The following CDIN1 variants were observed in gnomAD, a reference collection of about 807,000 sequenced individuals.
The protein encoded by CDIN1 is CDAN1-interacting nuclease 1.
CDIN1 carries 33 observed loss-of-function variants against 45.3 expected under a neutral mutation model. The ratio of observed to expected loss-of-function variants is 0.73; its 90% CI spans 0.55 to 0.97. CDIN1 has a LOEUF of 0.97. Ranked by LOEUF, CDIN1 falls within the 50% of genes least tolerant of loss-of-function variation. The probability of loss-of-function intolerance (pLI) is 0.00; values close to 1 mark genes in which losing one functional copy is unlikely to be tolerated. For missense variants in CDIN1, 303 were observed against 339.4 expected (o/e 0.89, Z 0.84); for synonymous variants, 118 against 124.4 (o/e 0.95, Z 0.34).
chr15:36,589,374 A>G lies in CDIN1; in HGVS notation c.101+9413A>G, dbSNP rs62002263. 6.8e-3 allele frequency among the ~76,000 whole-genome samples: 1,036 copies of G among 152,318 alleles called. 4 individuals are homozygous for G. Among genetic ancestry groups the G allele is most frequent in the Middle Eastern group, 0.02 (6 of 294 alleles). The stretch of plus-strand genomic sequence containing the variant: ...TTTTTATTGAAGGGAGATGTTTTCA[A>G]ATGTATACTTGAAGATGTTTCTCCT... On this transcript the variant is annotated intron_variant, in intron 1 of 10. Coordinates refer to ENST00000566621, the MANE Select transcript of CDIN1 (RefSeq NM_001321759.2).
intron 1 of CDIN1, chr15:36,613,601 C>T: frequency 6.8e-7 from 1 of 1,461,556 alleles, no homozygotes; most frequent in Non-Finnish European, 9.5e-7. Context: ...GGCCCGGGAA[C>T]AGGCTGAGGC....
chr15:36,788,118 T>A (rs1345319537), intron 10 of CDIN1, among the ~76,000 whole-genome samples: 51 of 131,138 alleles, frequency 3.9e-4, no homozygotes, highest in African/African-American at 1.4e-3. Context: ...TTTTTTTTTT[T>A]TTTTTTTTTT....
At chr15:36,739,930 A>G (rs1289066818) in intron 10 of CDIN1, among the ~76,000 whole-genome samples, 1 of 152,214 alleles carries the variant, frequency 6.6e-6, no homozygotes, top group East Asian at 1.9e-4. Context: ...CTCTGATTGA[A>G]TATGTATCTA....
intron 10 of CDIN1, among the ~76,000 whole-genome samples, chr15:36,762,735 A>T (rs1218158439): frequency 2.6e-5 from 4 of 152,008 alleles, no homozygotes; most frequent in African/African-American, 9.7e-5. Flanking sequence ...GAGTGAGAAC[A>T]TGCGGTGTTT....
chr15:36,790,544 C>T (rs571908153), intron 10 of CDIN1, among the ~76,000 whole-genome samples: 2 of 152,248 alleles, frequency 1.3e-5, no homozygotes, highest in East Asian at 1.9e-4. Context: ...GTTCCCAACA[C>T]ATAGAAAGAA....
At chr15:36,604,418 T>TACACAC (rs144533313) in intron 1 of CDIN1, among the ~76,000 whole-genome samples, 29,077 of 128,572 alleles carry the variant, frequency 0.23, 3,521 homozygotes, top group Admixed American at 0.31. Context: ...TTTTAAAAGG[T>TACACAC]ACACACACAC....
intron 8 of CDIN1, chr15:36,704,480 T>C (rs1467435974): frequency 6.6e-6 from 1 of 151,556 alleles, no homozygotes; most frequent in African/African-American, 2.4e-5. Context: ...TCTTAAATTG[T>C]ATAGAAAAGG....
intron 3 of CDIN1, among the ~76,000 whole-genome samples, chr15:36,647,406 A>G (rs1399957355): frequency 6.6e-6 from 1 of 152,190 alleles, no homozygotes; most frequent in East Asian, 1.9e-4. Context: ...ATTTCTTTCA[A>G]TTTATTTAAA....
rs140540360 is a variant in CDIN1 at position 36,731,987 on chromosome 15, G to A, written c.716+22026G>A. Among the ~76,000 whole-genome samples, 586 of 152,090 alleles carry A rather than the reference G, an allele frequency of 3.9e-3. 1 individual carries two copies. Among genetic ancestry groups the A allele is most frequent in the African/African-American group, 0.012 (499 of 41,488 alleles). ...AAATAAAAACTATTTTACAAACTTC[G>A]TTACGTCACAGTAGTATTGTAAAAC... is the stretch of plus-strand genomic sequence containing the variant. On this transcript the variant is annotated intron_variant, in intron 10 of 10. Transcript: ENST00000566621.
At chr15:36,732,888 A>G (rs1056534968) in intron 10 of CDIN1, among the ~76,000 whole-genome samples, 7 of 152,076 alleles carry the variant, frequency 4.6e-5, no homozygotes, top group Admixed American at 4.6e-4. Context: ...TCAAAAAATC[A>G]TCTAATTGGC....
At chr15:36,770,850 G>C (rs902996312) in intron 10 of CDIN1, among the ~76,000 whole-genome samples, 1 of 152,184 alleles carries the variant, frequency 6.6e-6, no homozygotes, top group Non-Finnish European at 1.5e-5. Context: ...CTCCCAAACT[G>C]CTGCACATTA....
chr15:36,688,362 A>C (rs556736109), intron 5 of CDIN1, among the ~76,000 whole-genome samples: 2 of 152,324 alleles, frequency 1.3e-5, no homozygotes, highest in African/African-American at 4.8e-5. Context: ...ATTATATATT[A>C]GTTCTTTATG....
rs142118060 is a variant in CDIN1, at chr15:36,633,445, T to C, written c.102-10833T>C. Reference sequence around the variant, plus strand: ...ATTCACAAAAAATAGGGCATTATATTTTGCTGTTTGATACTTTATATAAAT... The same window carrying C: ...ATTCACAAAAAATAGGGCATTATATCTTGCTGTTTGATACTTTATATAAAT... On this transcript the variant is annotated intron_variant, in intron 1 of 10. Coordinates refer to ENST00000566621, the MANE Select transcript of CDIN1 (RefSeq NM_001321759.2). Among the ~76,000 whole-genome samples the C allele has an allele frequency of 2.9e-3, 445 of 152,298 alleles. 3 individuals carry two copies. Among genetic ancestry groups the C allele is most frequent in the African/African-American group, 0.01 (423 of 41,568 alleles).
intron 1 of CDIN1, among the ~76,000 whole-genome samples, chr15:36,589,631 G>A (rs954451394): frequency 6.6e-6 from 1 of 151,822 alleles, no homozygotes; most frequent in Non-Finnish European, 1.5e-5. Context: ...TCAGCCTCCC[G>A]AGTAGCTGGG....
In CDIN1 at chr15:36,810,219, GAACA is replaced by G. The variant is rs549780159; in HGVS notation, c.*1769_*1772del. 629 of 151,850 alleles carry G rather than the reference GAACA, an allele frequency of 4.1e-3. 4 individuals carry two copies. Among genetic ancestry groups the G allele is most frequent in the African/African-American group, 0.015 (614 of 41,376 alleles). 9.4% of individuals were successfully genotyped at this position (151,850 alleles called of 1,614,324 possible). ...TAAACAAATTTATTATGATGAACGT[GAACA>G]AATAAATTAAAAAATAAAAAAGGTA... On this transcript the variant is annotated 3_prime_UTR_variant, in exon 11 of 11. Transcript: ENST00000566621.
At chr15:36,581,638 G>C (rs1411112657) in intron 1 of CDIN1, among the ~76,000 whole-genome samples, 1 of 152,036 alleles carries the variant, frequency 6.6e-6, no homozygotes, top group Non-Finnish European at 1.5e-5. Flanking sequence ...AGCGCTTTGG[G>C]AGGCCGAGAT....
intron 10 of CDIN1, chr15:36,734,489 G>C (rs2043946115): frequency 3.2e-6 from 1 of 315,500 alleles, no homozygotes; most frequent in Non-Finnish European, 6.2e-6. Flanking sequence ...AATTACAGCA[G>C]AGAAGGTTAA....
At chr15:36,586,026 A>G (rs2037281462) in intron 1 of CDIN1, among the ~76,000 whole-genome samples, 8 of 152,088 alleles carry the variant, frequency 5.3e-5, no homozygotes, top group Admixed American at 5.2e-4. Context: ...TGCTCAACCC[A>G]TACTCATAAA....
At chr15:36,800,905 GTGTGTATATATATATATATATA>G (rs1396912758) in intron 10 of CDIN1, among the ~76,000 whole-genome samples, 13 of 22,100 alleles carry the variant, frequency 5.9e-4, no homozygotes, top group African/African-American at 1.6e-3. Flanking sequence ...GTGTGTGTGT[GTGTGTATATATATATATATATA>G]TATATATATA....
Sources: allele counts gnomAD v4.1 joint callset (sites outside exome capture counted in the v4.1 genomes callset), GRCh38; gene constraint gnomAD v4.1.1; transcripts MANE v1.5; gene names NCBI Gene and HGNC (gene_info 2026-07-23, HGNC 2026-07-21).